SNX14: variants seen among roughly 807,000 people sequenced by gnomAD.
The protein encoded by SNX14 is sorting nexin-14.
Under a neutral mutation model 133.8 loss-of-function variants are expected in SNX14, and 93 were observed. The observed-to-expected ratio is 0.70, with a 90% confidence interval of 0.59 to 0.83. The LOEUF (loss-of-function observed/expected upper bound fraction) is 0.83. Ranked by LOEUF, SNX14 falls within the 40% of genes least tolerant of loss-of-function variation. SNX14 has a pLI of 0.00. For missense variants in SNX14, 945 were observed against 1,094.9 expected (o/e 0.86, Z 1.93); for synonymous variants, 368 against 365.6 (o/e 1.01, Z -0.07).
intron 26 of SNX14, among the ~76,000 whole-genome samples, chr6:85,513,203 G>A (rs572711915): frequency 1.8e-4 from 28 of 152,014 alleles, no homozygotes; most frequent in Middle Eastern, 3.4e-3. Flanking sequence ...GTTATTTCCC[G>A]TCACAGTTAA....
At chr6:85,506,260 T>C (rs1036581900) in intron 28 of SNX14, among the ~76,000 whole-genome samples, 2 of 152,108 alleles carry the variant, frequency 1.3e-5, no homozygotes, top group African/African-American at 2.4e-5. Context: ...AAATTAAAGA[T>C]ACAAAGTCTG....
chr6:85,536,831 C>A lies in SNX14; in HGVS notation c.1569G>T (p.Met523Ile). The change falls in exon 17 of 29, where the codon ATG (methionine) becomes ATT (isoleucine). Residue 523 changes from methionine (M) to isoleucine (I), a missense_variant. By Grantham distance (10) the Met-to-Ile change is conservative. This residue lies in a region of SNX14 where 412 missense variants were observed against 516.6 expected (regional missense o/e 0.80). Coordinates refer to ENST00000314673, the MANE Select transcript of SNX14 (RefSeq NM_153816.6). ...CTTCAGCTACACCATAATTAGGCAA[C>A]ATAGCTCCCTCCATTGTGGTACTTT... is the stretch of plus-strand genomic sequence containing the variant. Reference protein sequence around the residue: ...VFKSTTMEGAMLPNYGVAEGE... With the variant: ...VFKSTTMEGAILPNYGVAEGE... The A allele has an allele frequency of 6.2e-7, 1 of 1,613,386 alleles. No homozygotes were observed. Among genetic ancestry groups the A allele is most frequent in the East Asian group, 2.2e-5 (1 of 44,732 alleles).
intron 15 of SNX14, among the ~76,000 whole-genome samples, 156 bp from the exon 16 acceptor site, chr6:85,539,020 T>A (rs956247110): frequency 1.1e-4 from 16 of 152,312 alleles, no homozygotes; most frequent in African/African-American, 3.6e-4. Flanking sequence ...GAAATCTTCA[T>A]GAATAAGGTG....
At chr6:85,543,832 T>G in intron 12 of SNX14, 72 bp from the exon 13 acceptor site, 1 of 965,298 alleles carries the variant, frequency 1.0e-6, no homozygotes, top group South Asian at 3.3e-5. Flanking sequence ...TCAGTCCCAT[T>G]CTAATTGTAG....
chr6:85,516,486 C>T (rs1004439573), intron 23 of SNX14, among the ~76,000 whole-genome samples: 2 of 151,954 alleles, frequency 1.3e-5, no homozygotes, highest in Non-Finnish European at 2.9e-5. Context: ...GATGACTTTA[C>T]CAACTCTATC....
intron 12 of SNX14, among the ~76,000 whole-genome samples, chr6:85,546,543 T>C (rs540034006): frequency 1.3e-5 from 2 of 152,284 alleles, no homozygotes; most frequent in African/African-American, 4.8e-5. Context: ...TTAATATATT[T>C]TCATTATACT....
At chr6:85,563,860 G>T (rs1792756717) in intron 6 of SNX14, among the ~76,000 whole-genome samples, 2 of 152,024 alleles carry the variant, frequency 1.3e-5, no homozygotes, top group African/African-American at 4.8e-5. Context: ...CCATGTTGGT[G>T]TGCTGCACCC....
intron 1 of SNX14, among the ~76,000 whole-genome samples, chr6:85,586,771 C>T (rs1227544835): frequency 1.3e-5 from 2 of 151,552 alleles, no homozygotes; most frequent in African/African-American, 4.9e-5. Context: ...GTCTTTCTGG[C>T]CAGGTGCATA....
chr6:85,531,249 T>G (rs1306290651), intron 18 of SNX14, among the ~76,000 whole-genome samples: 1 of 152,222 alleles, frequency 6.6e-6, no homozygotes, highest in Non-Finnish European at 1.5e-5. Flanking sequence ...ATTTACCATG[T>G]GGCCTTGAAC....
chr6:85,592,498 G>A (rs886484772), intron 1 of SNX14, among the ~76,000 whole-genome samples: 2 of 152,212 alleles, frequency 1.3e-5, no homozygotes, highest in African/African-American at 4.8e-5. Flanking sequence ...CAAATCTGGT[G>A]TTAATTTTAA....
At chr6:85,559,478 A>C (rs958270678) in intron 6 of SNX14, among the ~76,000 whole-genome samples, 15 of 152,202 alleles carry the variant, frequency 9.9e-5, no homozygotes, top group Admixed American at 6.5e-5. Flanking sequence ...GATTTTTAAA[A>C]AATTGTAGAC....
chr6:85,584,624 T>C (rs531233441), intron 1 of SNX14, among the ~76,000 whole-genome samples: 1 of 152,294 alleles, frequency 6.6e-6, no homozygotes, highest in African/African-American at 2.4e-5. Flanking sequence ...AAGACATTTA[T>C]GCAGCCAACA....
Position 85,548,982 on chromosome 6 carries a change from A to C in SNX14, c.792-606T>G, listed in dbSNP as rs906430600. ...ACTCTGTCTCAAAAATAATTAAAAA[A>C]AAAAAAGAAAGAAAGAAAATACTTT... On this transcript the variant is annotated intron_variant, in intron 8 of 28. Coordinates refer to ENST00000314673, the MANE Select transcript of SNX14 (RefSeq NM_153816.6). Among the ~76,000 whole-genome samples, 27 of 75,174 alleles carry C rather than the reference A, an allele frequency of 3.6e-4. No homozygotes were observed. In the East Asian group the frequency reaches 7.4e-3, roughly 20 times the overall value. 49.3% of individuals were successfully genotyped at this position (75,174 alleles called of 152,430 possible).
At chr6:85,535,604 C>CA (rs10707377) in intron 17 of SNX14, among the ~76,000 whole-genome samples, 11,882 of 84,104 alleles carry the variant, frequency 0.14, 1,247 homozygotes, top group African/African-American at 0.33. Flanking sequence ...GACTCCGTCT[C>CA]AAAAAAAAAA....
At chr6:85,586,989 T>C (rs1360487793) in intron 1 of SNX14, among the ~76,000 whole-genome samples, 2 of 152,064 alleles carry the variant, frequency 1.3e-5, no homozygotes, top group Non-Finnish European at 2.9e-5. Context: ...GAGATTGCAA[T>C]GAGCCAAGAT....
intron 1 of SNX14, among the ~76,000 whole-genome samples, chr6:85,591,890 G>A (rs1234758280): frequency 3.9e-5 from 6 of 151,986 alleles, no homozygotes; most frequent in Non-Finnish European, 7.3e-5. Flanking sequence ...GTGCCCACCT[G>A]TAGTCCCAGC....
chr6:85,587,307 T>C (rs1006307654), intron 1 of SNX14, among the ~76,000 whole-genome samples: 1 of 152,080 alleles, frequency 6.6e-6, no homozygotes, highest in Admixed American at 6.6e-5. Context: ...AAATTTTCAA[T>C]ATCAAAAGTT....
rs1193948650 is a variant in SNX14 at position 85,543,075 on chromosome 6, C to T, written c.1389+107G>A. On this transcript the variant is annotated intron_variant, in intron 14 of 28. Transcript: ENST00000314673. Reference sequence around the variant, plus strand: ...GAGCAACTGTGCCCAGTAATCTTGTCTTATTTTTCTATTTATTTTGTTATT... The same window carrying T: ...GAGCAACTGTGCCCAGTAATCTTGTTTTATTTTTCTATTTATTTTGTTATT... 7 of 1,143,810 alleles carry T rather than the reference C, an allele frequency of 6.1e-6. No homozygotes were observed. In the East Asian group the frequency reaches 8.5e-5, roughly 14 times the overall value. The allele number at this position is 1,143,810 out of a possible 1,614,324, so 70.9% of individuals were successfully genotyped here.
At chr6:85,568,842 T>C (rs182837694) in intron 4 of SNX14, among the ~76,000 whole-genome samples, 1 of 152,306 alleles carries the variant, frequency 6.6e-6, no homozygotes, top group Admixed American at 6.5e-5. Context: ...GGGATAACAA[T>C]GAATAGGATA....
Sources: gnomAD v4.1 joint callset for allele counts (sites outside exome capture counted in the v4.1 genomes callset) on GRCh38, gnomAD v4.1.1 for gene constraint, gnomAD v4.1.1 regional missense constraint, MANE v1.5 for transcripts, NCBI Gene and HGNC (gene_info 2026-07-23, HGNC 2026-07-21) for gene names.